Variants in ATAD2 observed in about 807,000 individuals in gnomAD.
The protein encoded by ATAD2 is ATPase family AAA domain-containing protein 2.
Under a neutral mutation model 168.9 loss-of-function variants are expected in ATAD2, and 62 were observed. The ratio of observed to expected loss-of-function variants is 0.37; its 90% CI spans 0.30 to 0.45. The LOEUF is 0.45. ATAD2 is among the 20% of genes least tolerant of loss of function. The pLI, the probability that ATAD2 is intolerant of heterozygous loss-of-function variation, is 1.00. For missense variants in ATAD2, 1,419 were observed against 1,667.8 expected (o/e 0.85, Z 2.60); for synonymous variants, 613 against 571.6 (o/e 1.07, Z -1.03).
chr8:123,388,363 T>C (rs1171149242), intron 1 of ATAD2, among the ~76,000 whole-genome samples: 1 of 152,168 alleles, frequency 6.6e-6, no homozygotes, highest in Non-Finnish European at 1.5e-5. Flanking sequence ...CACGCCTGGC[T>C]ACTGATTATG....
intron 1 of ATAD2, among the ~76,000 whole-genome samples, chr8:123,389,078 T>G (rs1451979048): frequency 2.0e-5 from 3 of 151,004 alleles, no homozygotes; most frequent in Non-Finnish European, 4.4e-5. Flanking sequence ...GCCATTCTCC[T>G]GCCACGGCCT....
rs556393688 is a variant in ATAD2 at position 123,328,138 on chromosome 8, C to G, written c.3868+52G>C. On this transcript the variant is annotated intron_variant, in intron 25 of 27. Transcript: ENST00000287394. ...TAAGATGCAATTAGGTGTTTAGAAA[C>G]TTTGAAATATCTTTTAAAATCAGTA... is the stretch of plus-strand genomic sequence containing the variant. 68 of 1,309,894 alleles carry G rather than the reference C, an allele frequency of 5.2e-5. No homozygotes were observed. In the South Asian group the frequency reaches 1.4e-3, roughly 27 times the overall value. The allele number at this position is 1,309,894 out of a possible 1,614,324, so 81.1% of individuals were successfully genotyped here.
chr8:123,369,874 C>G lies in ATAD2; in HGVS notation c.878G>C (p.Arg293Pro), dbSNP rs1031389869. 1.2e-6 allele frequency: 2 copies of G among 1,611,684 alleles called. No homozygotes were observed. The highest frequency in any genetic ancestry group is 1.7e-6 in the Non-Finnish European group (2 of 1,179,322). The change falls in exon 7 of 28, where the codon CGA becomes CCA. Residue 293 changes from arginine (R) to proline (P), a missense_variant. This residue lies in a region of ATAD2 where 419 missense variants were observed against 423.5 expected (regional missense o/e 0.99). Transcript: ENST00000287394. ...EEDGEEENQKRYYLRQRKATV... is the reference protein window; with the variant it reads ...EEDGEEENQKPYYLRQRKATV... ...AGCTTTTCTCTGTCTAAGATAATAT[C>G]GCTTCTGATTCTCTTCTTCTCCATC... is the stretch of plus-strand genomic sequence containing the variant.
At chr8:123,343,862 G>A (rs993255313) in intron 19 of ATAD2, among the ~76,000 whole-genome samples, 1 of 152,184 alleles carries the variant, frequency 6.6e-6, no homozygotes, top group African/African-American at 2.4e-5. Flanking sequence ...GCCTCCCTGA[G>A]GTGATATCTG....
intron 21 of ATAD2, among the ~76,000 whole-genome samples, chr8:123,337,391 A>T (rs1286175694): frequency 6.6e-6 from 1 of 152,076 alleles, no homozygotes; most frequent in East Asian, 1.9e-4. Flanking sequence ...AGACATTCTC[A>T]ATTACTTCTG....
upstream of ATAD2, among the ~76,000 whole-genome samples, chr8:123,399,621 C>T (rs1486860824): frequency 6.7e-6 from 1 of 149,668 alleles, no homozygotes; most frequent in African/African-American, 2.5e-5. Flanking sequence ...CTTTGGGAGG[C>T]CGAGGTGGGT....
rs1829142578 is a variant in ATAD2, at chr8:123,371,328, C to T, written c.547G>A (p.Ala183Thr). The T allele has an allele frequency of 6.3e-7, 1 of 1,598,082 alleles. No homozygotes were observed. Among genetic ancestry groups the T allele is most frequent in the Non-Finnish European group, 8.5e-7 (1 of 1,174,282 alleles). ...ATGTCATCCATTTTTTGAAGTACAG[C>T]TTCAGCAGTGCTTTAAAAAAAAGAT... ...FDKLITNTAEAVLQKMDDMKK... is the reference protein window; with the variant it reads ...FDKLITNTAETVLQKMDDMKK... Residue 183 changes from alanine (A) to threonine (T), a missense_variant, in exon 5 of 28, where the codon GCT (alanine) becomes ACT (threonine). By Grantham distance (58) the Ala-to-Thr change is moderately conservative. This residue lies in a region of ATAD2 where 419 missense variants were observed against 423.5 expected (regional missense o/e 0.99). Coordinates refer to ENST00000287394, the MANE Select transcript of ATAD2 (RefSeq NM_014109.4).
intron 15 of ATAD2, chr8:123,347,971 CAA>C (rs1276504171): frequency 1.0e-5 from 6 of 597,910 alleles, no homozygotes; most frequent in Non-Finnish European, 1.5e-5. Context: ...TATTTAATAC[CAA>C]GACTTCATGA....
intron 24 of ATAD2, among the ~76,000 whole-genome samples, chr8:123,329,927 A>G (rs747391981): frequency 7.3e-5 from 11 of 151,700 alleles, no homozygotes; most frequent in Non-Finnish European, 1.6e-4. Flanking sequence ...TAAAACTTTT[A>G]GGTAATAGAA....
upstream of ATAD2, chr8:123,401,255 T>G (rs558508928): frequency 1.0e-6 from 1 of 973,352 alleles, no homozygotes; most frequent in African/African-American, 1.6e-5. Context: ...CTCACCGACC[T>G]GAAGAACCGA....
chr8:123,396,454 A>T, upstream of ATAD2: 1 of 1,310,158 alleles, frequency 7.6e-7, no homozygotes. Flanking sequence ...TTCTGGCGCC[A>T]CAAGCTCCGC....
chr8:123,371,965 T>C (rs951230559), intron 3 of ATAD2, 130 bp from the exon 4 acceptor site: 1 of 978,142 alleles, frequency 1.0e-6, no homozygotes, highest in Middle Eastern at 3.3e-4. Flanking sequence ...AACTTAGCTT[T>C]CTTAAAAACA....
chr8:123,328,009 C>G (rs913513513), intron 25 of ATAD2, among the ~76,000 whole-genome samples, 181 bp downstream of exon 25: 1 of 152,112 alleles, frequency 6.6e-6, no homozygotes, highest in Non-Finnish European at 1.5e-5. Context: ...CTGTTTGATG[C>G]CACAGCTTGT....
At chr8:123,401,697 C>T (rs1439029961) in intron 1 of ATAD2, 7 of 752,270 alleles carry the variant, frequency 9.3e-6, no homozygotes, top group Admixed American at 3.8e-5. Context: ...GTCAAGGTGC[C>T]GGCCCTTGGT....
intron 18 of ATAD2, among the ~76,000 whole-genome samples, chr8:123,345,778 C>T (rs1453164306): frequency 6.6e-6 from 1 of 152,164 alleles, no homozygotes; most frequent in Non-Finnish European, 1.5e-5. Context: ...GGAGCAGTCA[C>T]CATTTTAAGT....
intron 13 of ATAD2, chr8:123,352,718 A>T (rs1475269349): frequency 1.7e-4 from 25 of 147,986 alleles, no homozygotes; most frequent in African/African-American, 6.3e-4. Flanking sequence ...TTTTCTTTTA[A>T]AAAAAAAAAC....
intron 25 of ATAD2, among the ~76,000 whole-genome samples, chr8:123,327,881 T>A (rs1390281451): frequency 6.6e-6 from 1 of 152,182 alleles, no homozygotes; most frequent in Non-Finnish European, 1.5e-5. Flanking sequence ...AATGCCTCAT[T>A]ACCAAGCAAC....
chr8:123,408,203 C>T (rs1156881852), intron 1 of ATAD2, among the ~76,000 whole-genome samples: 1 of 152,134 alleles, frequency 6.6e-6, no homozygotes, highest in Non-Finnish European at 1.5e-5. Context: ...CTATTCTATT[C>T]CATGTTTTAA....
chr8:123,361,693 AAAGAAAAGGCAT>A, intron 8 of ATAD2, 47 bp from the exon 9 acceptor site: 1 of 1,466,396 alleles, frequency 6.8e-7, no homozygotes, highest in Non-Finnish European at 9.5e-7. Flanking sequence ...AGGGCAGGAA[AAAGAAAAGGCAT>A]AAGAAAAGCA....
Sources: allele counts gnomAD v4.1 joint callset (sites outside exome capture counted in the v4.1 genomes callset), GRCh38; gene constraint gnomAD v4.1.1; regional missense constraint gnomAD v4.1.1; transcripts MANE v1.5; gene names NCBI Gene and HGNC (gene_info 2026-07-23, HGNC 2026-07-21).